Variants in FOCAD observed in about 807,000 individuals in gnomAD.
FOCAD encodes the protein KIAA1797.
A neutral mutation model predicts 225.6 loss-of-function variants in FOCAD; 198 were observed. The ratio of observed to expected loss-of-function variants is 0.88; its 90% CI spans 0.78 to 0.99. The LOEUF (loss-of-function observed/expected upper bound fraction) is 0.99, where lower values mean the gene tolerates loss of function less well. FOCAD is among the 50% of genes least tolerant of loss of function. FOCAD has a pLI of 0.00. For missense variants in FOCAD, 2,713 were observed against 2,123.6 expected (o/e 1.28, Z -5.46); for synonymous variants, 897 against 755.0 (o/e 1.19, Z -3.08).
chr9:20,812,531 A>G (rs1823201126), intron 11 of FOCAD, among the ~76,000 whole-genome samples: 6 of 150,990 alleles, frequency 4.0e-5, no homozygotes. Flanking sequence ...GAATTTTTGT[A>G]CTCTGTTTTT....
At chr9:20,945,853 G>C (rs1173197749) in intron 29 of FOCAD, among the ~76,000 whole-genome samples, 1 of 152,100 alleles carries the variant, frequency 6.6e-6, no homozygotes, top group Non-Finnish European at 1.5e-5. Context: ...ACCAGTGCTA[G>C]AAGTTGAATT....
chr9:20,724,989 T>G (rs1826074322), intron 4 of FOCAD, among the ~76,000 whole-genome samples: 1 of 152,064 alleles, frequency 6.6e-6, no homozygotes, highest in Non-Finnish European at 1.5e-5. Context: ...GCCAACAAAG[T>G]GTAACCCTGT....
rs143683524 is a variant in FOCAD at position 20,764,972 on chromosome 9, A to C, written c.598A>C (p.Lys200Gln). ...EYAKLRLALL[K>Q]VLLQPQVLCD... ...TGCTAAACTCCGACTAGCCCTGCTGAAAGTCTTACTTCAACCCCAGGTTCT... is the reference window on the plus strand; with the variant it reads ...TGCTAAACTCCGACTAGCCCTGCTGCAAGTCTTACTTCAACCCCAGGTTCT... Residue 200 changes from lysine (K) to glutamine (Q), a missense_variant, in exon 7 of 44, where the codon AAA becomes CAA. Physicochemically the swap from Lys to Gln is moderately conservative, Grantham distance 53. Coordinates refer to ENST00000338382, the MANE Select transcript of FOCAD (RefSeq NM_001375567.1). 9 of 1,614,152 alleles carry C rather than the reference A, an allele frequency of 5.6e-6. No individual in the cohort carries two copies. The African/African-American group carries it at 8.0e-5, about 14-fold the overall frequency.
intron 27 of FOCAD, among the ~76,000 whole-genome samples, chr9:20,932,537 A>G (rs1835580220): frequency 6.6e-6 from 1 of 152,224 alleles, no homozygotes; most frequent in African/African-American, 2.4e-5. Flanking sequence ...CCTTAAAAAA[A>G]AGTAAGTAAA....
rs190658661 is a variant in FOCAD at position 20,988,419 on chromosome 9, C to T, written c.4994C>T (p.Ala1665Val). The T allele has an allele frequency of 7.4e-4, 1,172 of 1,591,086 alleles. 21 individuals carry two copies. In the East Asian group the frequency reaches 0.025, roughly 33 times the overall value. Reference protein sequence around the residue: ...AYQSTSFHNTALDKALDFFLL... With the variant: ...AYQSTSFHNTVLDKALDFFLL... Reference sequence around the variant, plus strand: ...CAGTCAACATCCTTTCACAATACGGCTCTTGACAAGGTAAAATCTAGAGGA... The same window carrying T: ...CAGTCAACATCCTTTCACAATACGGTTCTTGACAAGGTAAAATCTAGAGGA... Residue 1665 changes from alanine (A) to valine (V), a missense_variant, in exon 41 of 44, where the codon GCT (alanine) becomes GTT (valine). By Grantham distance (64) the Ala-to-Val change is moderately conservative (BLOSUM62 0). Coordinates refer to ENST00000338382, the MANE Select transcript of FOCAD (RefSeq NM_001375567.1).
Position 20,938,326 on chromosome 9 carries a change from A to C in FOCAD, c.3407+5223A>C, listed in dbSNP as rs1292607005. On this transcript the variant is annotated intron_variant, in intron 28 of 43. Coordinates refer to ENST00000338382, the MANE Select transcript of FOCAD (RefSeq NM_001375567.1). ...TTCACAATAGCAAAGACTTGGAACCAACCCAAATGTCCAACAATGATAGAC... is the reference window on the plus strand; with the variant it reads ...TTCACAATAGCAAAGACTTGGAACCCACCCAAATGTCCAACAATGATAGAC... 4.6e-5 allele frequency among the ~76,000 whole-genome samples: 7 copies of C among 152,328 alleles called. No individual in the cohort carries two copies. The South Asian group carries it at 1.4e-3, about 32-fold the overall frequency.
chr9:20,785,171 G>T (rs372236026), intron 10 of FOCAD, among the ~76,000 whole-genome samples: 9 of 152,046 alleles, frequency 5.9e-5, no homozygotes, highest in Admixed American at 2.6e-4. Flanking sequence ...GTTAACTGAG[G>T]CATAAAGAAG....
chr9:20,932,293 T>C (rs1248285091), intron 27 of FOCAD, among the ~76,000 whole-genome samples: 1 of 152,182 alleles, frequency 6.6e-6, no homozygotes, highest in African/African-American at 2.4e-5. Flanking sequence ...CTGGTTGTCA[T>C]TCCTGGAGTT....
chr9:20,727,671 A>T (rs1826320605), intron 4 of FOCAD, among the ~76,000 whole-genome samples: 2 of 152,150 alleles, frequency 1.3e-5, no homozygotes, highest in South Asian at 2.1e-4. Flanking sequence ...TTAGACAATG[A>T]TTTGATTATT....
At chr9:20,692,902 G>T (rs888327040) in intron 1 of FOCAD, among the ~76,000 whole-genome samples, 9 of 152,158 alleles carry the variant, frequency 5.9e-5, no homozygotes, top group Non-Finnish European at 1.2e-4. Context: ...AAAGCAGTTT[G>T]TATACAGAGA....
At chr9:20,974,160 G>A (rs1263125473) in intron 35 of FOCAD, among the ~76,000 whole-genome samples, 2 of 144,782 alleles carry the variant, frequency 1.4e-5, no homozygotes, top group Non-Finnish European at 3.0e-5. Context: ...TTCTGTAGCT[G>A]TTTTTTTCCT....
At position 20,944,734 on chromosome 9, in the gene FOCAD, A is replaced by C. The variant is rs1275238612; in HGVS notation, c.3515A>C (p.His1172Pro). 3 of 1,613,840 alleles carry C rather than the reference A, an allele frequency of 1.9e-6. No individual in the cohort carries two copies. Among genetic ancestry groups the C allele is most frequent in the Non-Finnish European group, 2.5e-6 (3 of 1,179,900 alleles). Residue 1172 changes from histidine to proline, a missense_variant, in exon 29 of 44, where the codon CAC (histidine) becomes CCC (proline). Coordinates refer to ENST00000338382, the MANE Select transcript of FOCAD (RefSeq NM_001375567.1). ...VAALLRKLSA[H>P]VDDSGSQSRT... ...GCATTGCTCCGGAAGCTGTCTGCGC[A>C]CGTAGATGACAGCGGGAGCCAGAGC...
rs1822706931 is a variant in FOCAD, at chr9:20,686,996, G to GC, written c.-33+2703_-33+2704insC. Among the ~76,000 whole-genome samples the GC allele has an allele frequency of 2.1e-5, 3 of 142,230 alleles. No individual in the cohort carries two copies. The South Asian group carries it at 6.8e-4, about 32-fold the overall frequency. 93.3% of individuals were successfully genotyped at this position (142,230 alleles called of 152,430 possible). On this transcript the variant is annotated intron_variant, in intron 1 of 43. Coordinates refer to ENST00000338382, the MANE Select transcript of FOCAD (RefSeq NM_001375567.1). ...CCCTCTAAGTACTTCTGGCCTCATA[G>GC]TTTTTTTTTTTTTTCCCCCTACTCA...
intron 5 of FOCAD, among the ~76,000 whole-genome samples, chr9:20,748,783 A>T (rs924134217): frequency 5.3e-5 from 8 of 152,092 alleles, no homozygotes; most frequent in African/African-American, 1.9e-4. Context: ...CTTTATTCAC[A>T]ATTTATGGGT....
At chr9:20,924,274 AG>A (rs963616984) in intron 25 of FOCAD, among the ~76,000 whole-genome samples, 9 of 152,226 alleles carry the variant, frequency 5.9e-5, no homozygotes, top group Admixed American at 1.3e-4. Flanking sequence ...CTAAATAAAA[AG>A]GCATGGATTT....
chr9:20,688,011 AATAG>A (rs753330924), intron 1 of FOCAD, among the ~76,000 whole-genome samples: 7 of 152,192 alleles, frequency 4.6e-5, no homozygotes, highest in South Asian at 2.1e-4. Context: ...AGTGAGGACA[AATAG>A]ATAGGTTAGA....
Position 20,765,026 on chromosome 9 carries a change from G to A in FOCAD, c.652G>A (p.Glu218Lys). ...TGACAAAGATCAACCATCAATACTG[G>A]AACAGCAGATACTTCAACTGTGTTG... The part of the protein sequence containing the change: ...LCDKDQPSIL[E>K]QQILQLCCDI... Residue 218 changes from glutamate to lysine, a missense_variant, in exon 7 of 44, where the codon GAA becomes AAA. Coordinates refer to ENST00000338382, the MANE Select transcript of FOCAD (RefSeq NM_001375567.1). 6.2e-7 allele frequency: 1 copy of A among 1,614,062 alleles called. No individual in the cohort carries two copies. The highest frequency in any genetic ancestry group is 8.5e-7 in the Non-Finnish European group (1 of 1,179,996).
chr9:20,783,811 A>G (rs1051908145), intron 10 of FOCAD, among the ~76,000 whole-genome samples: 1 of 152,194 alleles, frequency 6.6e-6, no homozygotes, highest in Non-Finnish European at 1.5e-5. Flanking sequence ...CCGCAAGAGA[A>G]TGTGGGGGAT....
chr9:20,992,857 G>A (rs1334193110), intron 42 of FOCAD, among the ~76,000 whole-genome samples: 1 of 152,110 alleles, frequency 6.6e-6, no homozygotes, highest in Non-Finnish European at 1.5e-5. Context: ...CCGCTGCTCT[G>A]GAGGCTGAGG....
Sources: allele counts gnomAD v4.1 joint callset (sites outside exome capture counted in the v4.1 genomes callset), GRCh38; gene constraint gnomAD v4.1.1; transcripts MANE v1.5; gene names NCBI Gene and HGNC (gene_info 2026-07-23, HGNC 2026-07-21).